Variants in CSF1 observed in about 807,000 individuals in gnomAD.
CSF1 encodes macrophage colony-stimulating factor 1.
Under a neutral mutation model 48.9 loss-of-function variants are expected in CSF1, and 9 were observed. That is an observed-to-expected ratio of 0.18 (90% confidence interval 0.11 to 0.32). The LOEUF is 0.32. Ranked by LOEUF, CSF1 falls within the 10% of genes least tolerant of loss-of-function variation. The pLI is 1.00. For synonymous variants in CSF1, 305 were observed against 284.1 expected, an observed-to-expected ratio of 1.07 and a Z score of -0.74; for missense variants, 672 against 697.9, an observed-to-expected ratio of 0.96 and a Z score of 0.42.
chr1:109,911,365 G>T (rs920263439), intron 1 of CSF1, among the ~76,000 whole-genome samples: 3 of 152,228 alleles, frequency 2.0e-5, no homozygotes, highest in Non-Finnish European at 2.9e-5. Flanking sequence ...GCTCAGCCAG[G>T]GTGCCCTGCC....
chr1:109,914,653 C>T (rs1377708010), intron 2 of CSF1, among the ~76,000 whole-genome samples: 1 of 152,244 alleles, frequency 6.6e-6, no homozygotes, highest in African/African-American at 2.4e-5. Context: ...AGTGATTGCC[C>T]AGGAACATCA....
chr1:109,915,344 T>G (rs1654852955), intron 2 of CSF1, among the ~76,000 whole-genome samples: 1 of 152,162 alleles, frequency 6.6e-6, no homozygotes, highest in African/African-American at 2.4e-5. Flanking sequence ...GAAGATTATA[T>G]CCTATATTCT....
intron 2 of CSF1, 94 bp downstream of exon 2, chr1:109,914,475 G>T: frequency 7.0e-7 from 1 of 1,430,564 alleles, no homozygotes. Context: ...GTTGCAGGCA[G>T]GAAAATAGGG....
intron 4 of CSF1, among the ~76,000 whole-genome samples, chr1:109,917,978 G>C (rs1454133195): frequency 1.3e-5 from 2 of 152,220 alleles, no homozygotes; most frequent in Admixed American, 6.5e-5. Context: ...CACTGGAGAA[G>C]AGTAAACCAG....
chr1:109,914,130 T>C (rs1654796963), intron 1 of CSF1, 129 bp from the exon 2 acceptor site: 1 of 989,486 alleles, frequency 1.0e-6, no homozygotes, highest in East Asian at 3.0e-5. Context: ...AGGGATGCTG[T>C]ATCCTGAGGT....
chr1:109,923,513 G>A lies in CSF1; in HGVS notation c.892G>A (p.Ala298Thr), dbSNP rs1266401046. The A allele has an allele frequency of 1.9e-6, 3 of 1,614,142 alleles. No homozygotes were observed. The highest frequency in any genetic ancestry group is 2.5e-6 in the Non-Finnish European group (3 of 1,180,010). The change falls in exon 6 of 9, where the codon GCA becomes ACA. Residue 298 changes from alanine (A) to threonine (T), a missense_variant. Physicochemically the swap from Ala to Thr is moderately conservative, Grantham distance 58 (BLOSUM62 0). Coordinates refer to ENST00000329608, the MANE Select transcript of CSF1 (RefSeq NM_000757.6). ...CGGGATGGAGGATATTCTTGACTCT[G>A]CAATGGGCACTAATTGGGTCCCAGA... Reference protein sequence around the residue: ...NPGMEDILDSAMGTNWVPEEA... With the variant: ...NPGMEDILDSTMGTNWVPEEA...
intron 1 of CSF1, among the ~76,000 whole-genome samples, chr1:109,911,361 C>G (rs1654675710): frequency 6.6e-6 from 1 of 152,218 alleles, no homozygotes; most frequent in Admixed American, 6.5e-5. Flanking sequence ...CCCCGCTCAG[C>G]CAGGGTGCCC....
chr1:109,924,949 G>T (rs1435961527), intron 7 of CSF1, 121 bp downstream of exon 7: 9 of 1,107,760 alleles, frequency 8.1e-6, no homozygotes, highest in East Asian at 2.5e-5. Context: ...AGAACAGGAT[G>T]GGGGAGAGAA....
Position 109,917,595 on chromosome 1 carries a change from G to C in CSF1, c.396+132G>C, listed in dbSNP as rs184657467. ...ATTGCTTGCTCACTCTCATTTATTT[G>C]TCATCCCACCAACCTTTACCAGGCA... On this transcript the variant is annotated intron_variant, in intron 4 of 8. Coordinates refer to ENST00000329608, the MANE Select transcript of CSF1 (RefSeq NM_000757.6). The C allele has an allele frequency of 1.4e-3, 1,275 of 926,042 alleles. 5 individuals carry two copies. Among genetic ancestry groups the C allele is most frequent in the Non-Finnish European group, 1.8e-3 (1,097 of 605,800 alleles). The allele number at this position is 926,042 out of a possible 1,614,324, so 57.4% of individuals were successfully genotyped here. A position where few individuals can be genotyped will look rare whatever the true frequency, so the allele number is the denominator to read the frequency against.
rs890155274 is a variant in CSF1 at position 109,929,596 on chromosome 1, C to T, written c.*758C>T. On this transcript the variant is annotated 3_prime_UTR_variant, in exon 9 of 9. Coordinates refer to ENST00000329608, the MANE Select transcript of CSF1 (RefSeq NM_000757.6). ...CTCCTTCCAGCACCTGCCAGAGCTT[C>T]TCCAGGAGGCCAAGCAGAGGCTCCC... is the stretch of plus-strand genomic sequence containing the variant. 4 of 153,148 alleles carry T rather than the reference C, an allele frequency of 2.6e-5. No individual in the cohort carries two copies. Among genetic ancestry groups the T allele is most frequent in the African/African-American group, 7.2e-5 (3 of 41,472 alleles). The allele number at this position is 153,148 out of a possible 1,614,324, so 9.5% of individuals were successfully genotyped here.
chr1:109,918,846 G>A (rs1350281863), intron 4 of CSF1, among the ~76,000 whole-genome samples: 3 of 151,892 alleles, frequency 2.0e-5, no homozygotes, highest in Admixed American at 6.6e-5. Context: ...ATGGGGGTTC[G>A]GCTTATCTGT....
chr1:109,912,784 C>G (rs1288571214), intron 1 of CSF1, among the ~76,000 whole-genome samples: 1 of 152,210 alleles, frequency 6.6e-6, no homozygotes, highest in Admixed American at 6.5e-5. Context: ...ATTCCTGAAC[C>G]TAAGGTTTCT....
At chr1:109,915,501 T>C (rs1216111057) in intron 2 of CSF1, 133 bp from the exon 3 acceptor site, 3 of 721,624 alleles carry the variant, frequency 4.2e-6, no homozygotes, top group Middle Eastern at 4.7e-4. Flanking sequence ...ACTCTGTCTT[T>C]CCACGTGTGG....
At chr1:109,912,748 G>T (rs939708896) in intron 1 of CSF1, among the ~76,000 whole-genome samples, 11 of 152,110 alleles carry the variant, frequency 7.2e-5, no homozygotes, top group Non-Finnish European at 1.2e-4. Flanking sequence ...TAGATACACC[G>T]TCTAGTGGCC....
At chr1:109,921,253 C>T (rs989278471) in intron 4 of CSF1, among the ~76,000 whole-genome samples, 3 of 152,208 alleles carry the variant, frequency 2.0e-5, no homozygotes, top group African/African-American at 7.2e-5. Context: ...TCTCCATGTG[C>T]GTCTCTTGCC....
intron 4 of CSF1, 136 bp from the exon 5 acceptor site, chr1:109,921,711 C>G (rs1400590076): frequency 2.7e-6 from 3 of 1,121,486 alleles, no homozygotes; most frequent in Non-Finnish European, 3.7e-6. Context: ...CTGCTGCAAA[C>G]CAGGGGAAAG....
chr1:109,918,084 T>C (rs1647336571), intron 4 of CSF1, among the ~76,000 whole-genome samples: 1 of 152,096 alleles, frequency 6.6e-6, no homozygotes, highest in East Asian at 1.9e-4. Flanking sequence ...TCCATGGAGT[T>C]GGGGAAGCAG....
In CSF1 at chr1:109,924,117, A is replaced by G; in HGVS notation, c.1496A>G (p.His499Arg). Reference protein sequence around the residue: ...FSPQLQESVFHLLVPSVILVL... With the variant: ...FSPQLQESVFRLLVPSVILVL... ...CCGCAGCTCCAGGAGTCTGTCTTCC[A>G]CCTGCTGGTGCCCAGTGTCATCCTG... The change falls in exon 6 of 9, where the codon CAC becomes CGC. Residue 499 changes from histidine to arginine, a missense_variant. Physicochemically the swap from His to Arg is conservative, Grantham distance 29. Coordinates refer to ENST00000329608, the MANE Select transcript of CSF1 (RefSeq NM_000757.6). 5.0e-6 allele frequency: 8 copies of G among 1,614,152 alleles called. No homozygotes were observed. Among genetic ancestry groups the G allele is most frequent in the Non-Finnish European group, 6.8e-6 (8 of 1,180,012 alleles).
intron 1 of CSF1, among the ~76,000 whole-genome samples, chr1:109,912,769 C>T (rs927679228): frequency 6.6e-6 from 1 of 152,160 alleles, no homozygotes; most frequent in Non-Finnish European, 1.5e-5. Flanking sequence ...CAGTTTCCTC[C>T]AATCATTCCT....
Sources: gnomAD v4.1 joint callset for allele counts (sites outside exome capture counted in the v4.1 genomes callset) on GRCh38, gnomAD v4.1.1 for gene constraint, MANE v1.5 for transcripts, NCBI Gene and HGNC (gene_info 2026-07-23, HGNC 2026-07-21) for gene names.